FAM184B: variants seen among roughly 807,000 people sequenced by gnomAD.
FAM184B encodes family with sequence similarity 184 member B, also known as protein FAM184B.
Under a neutral mutation model 135.9 loss-of-function variants are expected in FAM184B, and 111 were observed. The observed-to-expected ratio is 0.82, with a 90% confidence interval of 0.70 to 0.96. The LOEUF (loss-of-function observed/expected upper bound fraction) is 0.96. FAM184B is among the 40% of genes least tolerant of loss of function. The pLI is 0.00. For synonymous variants in FAM184B, 552 were observed against 524.8 expected (o/e 1.05, Z -0.71); for missense variants, 1,375 against 1,323.9 (o/e 1.04, Z -0.60).
chr4:17,739,555 G>GTTTTTTTTTGTTTTTTTTTTTTT (rs1553841417), intron 1 of FAM184B, among the ~76,000 whole-genome samples: 9 of 62,508 alleles, frequency 1.4e-4, no homozygotes, highest in African/African-American at 5.5e-4. Flanking sequence ...CATACCAACT[G>GTTTTTTTTTGTTTTTTTTTTTTT]TTTTTTTTTT....
At chr4:17,660,278 A>G (rs1367964678) in intron 8 of FAM184B, among the ~76,000 whole-genome samples, 191 bp from the exon 9 acceptor site, 1 of 152,178 alleles carries the variant, frequency 6.6e-6, no homozygotes, top group Non-Finnish European at 1.5e-5. Flanking sequence ...CTTAGGATAC[A>G]ATCGGGAACC....
chr4:17,665,967 A>G (rs1716039331), intron 7 of FAM184B, among the ~76,000 whole-genome samples: 2 of 149,808 alleles, frequency 1.3e-5, no homozygotes, highest in Admixed American at 1.3e-4. Flanking sequence ...AAACTACCAC[A>G]TGTGCAGAAC....
At chr4:17,754,569 A>G (rs902791820) in intron 1 of FAM184B, among the ~76,000 whole-genome samples, 4 of 150,206 alleles carry the variant, frequency 2.7e-5, no homozygotes, top group African/African-American at 9.9e-5. Flanking sequence ...AAAAAAAAAA[A>G]AGGTAAAAGA....
chr4:17,712,417 C>G (rs142826568), intron 1 of FAM184B, among the ~76,000 whole-genome samples: 186 of 152,098 alleles, frequency 1.2e-3, no homozygotes, highest in African/African-American at 4.3e-3. Flanking sequence ...ATGCCAAACA[C>G]GACACTGGCT....
intron 6 of FAM184B, among the ~76,000 whole-genome samples, chr4:17,688,940 G>A (rs1408057157): frequency 7.9e-5 from 12 of 152,110 alleles, no homozygotes; most frequent in Admixed American, 7.9e-4. Flanking sequence ...CGATCCGCCT[G>A]CCTCGGCCTC....
At chr4:17,672,123 A>G (rs1022195041) in intron 7 of FAM184B, among the ~76,000 whole-genome samples, 5 of 152,276 alleles carry the variant, frequency 3.3e-5, no homozygotes, top group African/African-American at 1.2e-4. Context: ...GTCAAAGGTC[A>G]AAGACACAAA....
At chr4:17,663,228 T>C (rs2108943791) in intron 8 of FAM184B, among the ~76,000 whole-genome samples, 1 of 152,346 alleles carries the variant, frequency 6.6e-6, no homozygotes, top group East Asian at 1.9e-4. Flanking sequence ...TGAGCCACCA[T>C]GCCCGGCCTC....
Position 17,707,652 on chromosome 4 carries a change from T to C in FAM184B, c.1027A>G (p.Thr343Ala). The change falls in exon 3 of 18, where the codon ACA becomes GCA. Residue 343 changes from threonine to alanine, a missense_variant. Coordinates refer to ENST00000265018, the MANE Select transcript of FAM184B (RefSeq NM_015688.2). ...MLQECRGTQQ[T>A]DAMKTELVSE... Reference sequence around the variant, plus strand: ...AAATCATTCCAGGGCATCTCACCTGTCTGCTGTGTCCCACGACACTCCTGC... The same window carrying C: ...AAATCATTCCAGGGCATCTCACCTGCCTGCTGTGTCCCACGACACTCCTGC... The C allele has an allele frequency of 1.3e-6, 2 of 1,551,710 alleles. No homozygotes were observed. The highest frequency in any genetic ancestry group is 1.7e-4 in the Middle Eastern group (1 of 5,958).
Position 17,707,735 on chromosome 4 carries a change from T to C in FAM184B, c.944A>G (p.Lys315Arg), listed in dbSNP as rs1344169915. Residue 315 changes from lysine to arginine, a missense_variant, in exon 3 of 18, where the codon AAA becomes AGA. Coordinates refer to ENST00000265018, the MANE Select transcript of FAM184B (RefSeq NM_015688.2). Reference sequence around the variant, plus strand: ...CTCCCCAAGTTTTTTTGCAGTGCCTTTCAACTCTGAATTCTCCTGTCGAGC... The same window carrying C: ...CTCCCCAAGTTTTTTTGCAGTGCCTCTCAACTCTGAATTCTCCTGTCGAGC... ...KEARQENSELKGTAKKLGEKL... is the reference protein window; with the variant it reads ...KEARQENSELRGTAKKLGEKL... 1 of 1,551,910 alleles carries C rather than the reference T, an allele frequency of 6.4e-7. No individual in the cohort carries two copies. The highest frequency in any genetic ancestry group is 8.7e-7 in the Non-Finnish European group (1 of 1,147,026).
At chr4:17,720,672 G>A (rs1717502066) in intron 1 of FAM184B, among the ~76,000 whole-genome samples, 1 of 152,014 alleles carries the variant, frequency 6.6e-6, no homozygotes, top group South Asian at 2.1e-4. Flanking sequence ...CAGATCATGA[G>A]GTCAGGAGTT....
intron 7 of FAM184B, among the ~76,000 whole-genome samples, chr4:17,665,018 G>C (rs116213449): frequency 0.018 from 2,711 of 152,198 alleles, 91 homozygotes; most frequent in African/African-American, 0.062. Context: ...AGGACCCTGG[G>C]GACTGAACTC....
chr4:17,656,511 C>T (rs1459927879), intron 10 of FAM184B, among the ~76,000 whole-genome samples: 2 of 152,168 alleles, frequency 1.3e-5, no homozygotes. Flanking sequence ...AAGCAATTCT[C>T]CTGCCTCAGC....
At chr4:17,719,623 G>A (rs112418532) in intron 1 of FAM184B, among the ~76,000 whole-genome samples, 121 of 152,264 alleles carry the variant, frequency 7.9e-4, no homozygotes, top group African/African-American at 2.7e-3. Flanking sequence ...ATTACCATTA[G>A]TGGATCACTC....
At chr4:17,683,057 G>A (rs1716484914) in intron 7 of FAM184B, among the ~76,000 whole-genome samples, 1 of 152,176 alleles carries the variant, frequency 6.6e-6, no homozygotes. Flanking sequence ...TGCAGGTATG[G>A]CAGTACTGAA....
chr4:17,675,392 C>T (rs1274024577), intron 7 of FAM184B, among the ~76,000 whole-genome samples: 1 of 152,120 alleles, frequency 6.6e-6, no homozygotes, highest in African/African-American at 2.4e-5. Flanking sequence ...CTTGAAAAAA[C>T]AGATGTGCTA....
chr4:17,722,840 C>G lies in FAM184B; in HGVS notation c.142-13196G>C, dbSNP rs148432392. On this transcript the variant is annotated intron_variant, in intron 1 of 17. Coordinates refer to ENST00000265018, the MANE Select transcript of FAM184B (RefSeq NM_015688.2). ...AACCTGGTTAATAAACATGTGTATG[C>G]GTGAATGATTTTTTTTATGAATAAA... is the stretch of plus-strand genomic sequence containing the variant. 5.8e-3 allele frequency among the ~76,000 whole-genome samples: 881 copies of G among 152,160 alleles called. 4 individuals carry two copies. Among genetic ancestry groups the G allele is most frequent in the African/African-American group, 0.02 (847 of 41,520 alleles).
At chr4:17,668,717 G>A (rs1014295147) in intron 7 of FAM184B, among the ~76,000 whole-genome samples, 3 of 152,064 alleles carry the variant, frequency 2.0e-5, no homozygotes, top group Non-Finnish European at 4.4e-5. Context: ...ATTTTTTTGA[G>A]TAGAGATGGG....
Position 17,633,722 on chromosome 4 carries a change from G to T in FAM184B, c.3056C>A (p.Pro1019His). 1 of 1,548,540 alleles carries T rather than the reference G, an allele frequency of 6.5e-7. No individual in the cohort carries two copies. Among genetic ancestry groups the T allele is most frequent in the East Asian group, 2.5e-5 (1 of 40,654 alleles). ...AGTTTTTGCATCTGTAGACTGGTTG[G>T]GTTTGTAGGTCCGGCCACAGCTGGG... ...PSPSCGRTYK[P>H]NQSTDAKTAT... The change falls in exon 17 of 18, where the codon CCC becomes CAC. Residue 1019 changes from proline (P) to histidine (H), a missense_variant. Physicochemically the swap from Pro to His is moderately conservative, Grantham distance 77 (BLOSUM62 -2). Transcript: ENST00000265018.
intron 15 of FAM184B, among the ~76,000 whole-genome samples, chr4:17,635,470 A>G (rs952620718): frequency 2.0e-5 from 3 of 152,152 alleles, no homozygotes; most frequent in Admixed American, 1.3e-4. Flanking sequence ...CTTGTTTGAC[A>G]TTTGTGTTGC....
Sources: allele counts gnomAD v4.1 joint callset (sites outside exome capture counted in the v4.1 genomes callset), GRCh38; gene constraint gnomAD v4.1.1; transcripts MANE v1.5; gene names NCBI Gene and HGNC (gene_info 2026-07-23, HGNC 2026-07-21).